The following NEB variants were observed in gnomAD, a reference collection of about 807,000 sequenced individuals.
NEB encodes nemaline myopathy type 2.
Under a neutral mutation model 952.2 loss-of-function variants are expected in NEB, and 512 were observed. That is an observed-to-expected ratio of 0.54 (90% CI 0.50 to 0.58). NEB has a LOEUF of 0.58. NEB is among the 20% of genes least tolerant of loss of function. The pLI is 0.00. For synonymous variants in NEB, 2,900 were observed against 3,149.8 expected (o/e 0.92, Z 2.66); for missense variants, 8,428 against 9,231.1 (o/e 0.91, Z 3.56).
chr2:151,486,635 C>G (rs2050646951), intron 181 of NEB: 1 of 152,238 alleles, frequency 6.6e-6, no homozygotes, highest in African/African-American at 2.4e-5. Flanking sequence ...TAAGCAAGAT[C>G]TGGTATATCC....
chr2:151,718,442 T>C (rs192355519), intron 9 of NEB, among the ~76,000 whole-genome samples: 4 of 152,312 alleles, frequency 2.6e-5, no homozygotes, highest in Admixed American at 2.6e-4. Flanking sequence ...ATTATGAGTC[T>C]CTGGTTAGTC....
At chr2:151,502,734 G>A in intron 167 of NEB, 59 bp downstream of exon 167, 3 of 888,316 alleles carry the variant, frequency 3.4e-6, no homozygotes, top group African/African-American at 1.7e-5. Flanking sequence ...CATTTGTAAG[G>A]TGTTATTATT....
chr2:151,660,732 G>A (rs1297084511), intron 46 of NEB, among the ~76,000 whole-genome samples: 4 of 152,082 alleles, frequency 2.6e-5, no homozygotes, highest in East Asian at 1.9e-4. Context: ...GAGACCACAC[G>A]CCAACAAACA....
At chr2:151,657,881 C>T (rs535682829) in intron 48 of NEB, 102 bp downstream of exon 48, 3 of 804,950 alleles carry the variant, frequency 3.7e-6, no homozygotes, top group South Asian at 3.2e-5. Flanking sequence ...GTGAGACCCA[C>T]TGTTTTTCAT....
intron 105 of NEB, among the ~76,000 whole-genome samples, chr2:151,579,061 A>T (rs2097022238): frequency 7.2e-6 from 1 of 138,540 alleles, no homozygotes; most frequent in Non-Finnish European, 1.5e-5. Context: ...AGCCTGGGTG[A>T]CAGAGCAAGA....
Position 151,494,159 on chromosome 2 carries a change from A to C in NEB, c.24579+2T>G, listed in dbSNP as rs1039759571. 1 of 1,601,598 alleles carries C rather than the reference A, an allele frequency of 6.2e-7. No homozygotes were observed. Among genetic ancestry groups the C allele is most frequent in the Admixed American group, 1.7e-5 (1 of 58,732 alleles). On this transcript the variant is annotated splice_donor_variant, in intron 174 of 181. Coordinates refer to ENST00000397345, the MANE Select transcript of NEB (RefSeq NM_001164508.2). LOFTEE classifies it high-confidence loss of function. ...AAGCACTTTTGTTTCTCAAGACAAT[A>C]CCGAGCTAATGTTTTCTTGATTGCG...
In NEB at chr2:151,625,427, C is replaced by T. The variant is rs112740534; in HGVS notation, c.10452+107G>A. On this transcript the variant is annotated intron_variant, in intron 71 of 181. Coordinates refer to ENST00000397345, the MANE Select transcript of NEB (RefSeq NM_001164508.2). ...AGGTAGGGTAAATGGCATAAAAAGC[C>T]AACTAAGCTAACTGGCTTACATGAG... 3.7e-5 allele frequency: 29 copies of T among 773,448 alleles called. No individual in the cohort carries two copies. The African/African-American group carries it at 3.8e-4, about 10-fold the overall frequency. 47.9% of individuals were successfully genotyped at this position (773,448 alleles called of 1,614,324 possible). A position where few individuals can be genotyped will look rare whatever the true frequency, so the allele number is the denominator to read the frequency against.
At chr2:151,662,370 G>A (rs2099158404) in intron 45 of NEB, 29 bp from the exon 46 acceptor site, 1 of 1,505,264 alleles carries the variant, frequency 6.6e-7, no homozygotes, top group Non-Finnish European at 9.0e-7. Context: ...TAAATTATGA[G>A]AAGAAACTGG....
intron 124 of NEB, among the ~76,000 whole-genome samples, chr2:151,557,036 T>C (rs1351808136): frequency 4.0e-5 from 6 of 151,684 alleles, no homozygotes; most frequent in Non-Finnish European, 7.4e-5. Flanking sequence ...CTGAAGGAGA[T>C]TGAGACACAA....
chr2:151,705,512 A>G (rs2099701969), intron 13 of NEB, among the ~76,000 whole-genome samples: 1 of 152,230 alleles, frequency 6.6e-6, no homozygotes, highest in Admixed American at 6.5e-5. Context: ...GGAAAACAGT[A>G]TGGAGATTCC....
chr2:151,674,604 G>T lies in NEB; in HGVS notation c.3880-20C>A. The T allele has an allele frequency of 6.5e-7, 1 of 1,539,378 alleles. No individual in the cohort carries two copies. The highest frequency in any genetic ancestry group is 1.1e-5 in the South Asian group (1 of 88,610). ...ACAGACCTGGACAGAAAAGCAAACA[G>T]AATGTCAGCATCTGTAAGTGATTCC... On this transcript the variant is annotated intron_variant, in intron 35 of 181. Coordinates refer to ENST00000397345, the MANE Select transcript of NEB (RefSeq NM_001164508.2).
At chr2:151,634,005 CCT>C in intron 64 of NEB, 40 bp from the exon 65 acceptor site, 1 of 1,582,312 alleles carries the variant, frequency 6.3e-7, no homozygotes, top group East Asian at 2.2e-5. Flanking sequence ...TATTGTAACC[CCT>C]TAGAGGCCAC....
At chr2:151,499,221 T>G in intron 169 of NEB, 77 bp downstream of exon 169, 1 of 769,448 alleles carries the variant, frequency 1.3e-6, no homozygotes, top group Admixed American at 2.8e-5. Flanking sequence ...ATGAGTTGAT[T>G]AGATTTTTAA....
chr2:151,559,296 T>A (rs1385257877), intron 124 of NEB, among the ~76,000 whole-genome samples: 2 of 152,226 alleles, frequency 1.3e-5, no homozygotes, highest in African/African-American at 2.4e-5. Context: ...AAACAACAGA[T>A]GCTGGAGAGG....
In NEB at chr2:151,695,629, A is replaced by C; in HGVS notation, c.1623T>G (p.Pro541=). The change falls in exon 18 of 182, where the codon CCT becomes CCG. Residue 541 remains proline (P), a synonymous_variant. Coordinates refer to ENST00000397345, the MANE Select transcript of NEB (RefSeq NM_001164508.2). ...TGTGCTGGATAAAAGCAGGAGTATC[A>C]GGGGGGATATGGCACTTGAACTTTT... The part of the protein sequence containing the change: ...ESEKFKCHIP[P]DTPAFIQHKV... 1.2e-6 allele frequency: 2 copies of C among 1,613,922 alleles called. No homozygotes were observed. Among genetic ancestry groups the C allele is most frequent in the African/African-American group, 2.7e-5 (2 of 75,074 alleles).
intron 65 of NEB, 68 bp from the exon 66 acceptor site, chr2:151,631,414 G>A: frequency 1.3e-6 from 2 of 1,488,416 alleles, no homozygotes; most frequent in Non-Finnish European, 1.8e-6. Flanking sequence ...TATGCAAATA[G>A]AATCAGTAAT....
chr2:151,490,186 C>G lies in NEB; in HGVS notation c.25298-109G>C, dbSNP rs1313933604. The stretch of plus-strand genomic sequence containing the variant: ...TTTTCCCCCAACTTAGAATGATTTC[C>G]AAAAAGAGAAATCAAAGAAAATGAA... On this transcript the variant is annotated intron_variant, in intron 180 of 181. Transcript: ENST00000397345. 16 of 1,191,584 alleles carry G rather than the reference C, an allele frequency of 1.3e-5. No individual in the cohort carries two copies. The East Asian group carries it at 3.8e-4, about 28-fold the overall frequency. 73.8% of individuals were successfully genotyped at this position (1,191,584 alleles called of 1,614,324 possible).
At chr2:151,498,446 G>A in intron 169 of NEB, 94 bp from the exon 170 acceptor site, 1 of 795,670 alleles carries the variant, frequency 1.3e-6, no homozygotes, top group East Asian at 2.7e-5. Flanking sequence ...GGGAGGAAGA[G>A]AGTAAGTTAG....
chr2:151,516,593 C>T (rs779198438), intron 156 of NEB, 30 bp from the exon 157 acceptor site: 10 of 1,399,088 alleles, frequency 7.1e-6, no homozygotes, highest in African/African-American at 5.7e-5. Flanking sequence ...TTAGATATCT[C>T]TCCTCTGGTC....
Sources: gnomAD v4.1 joint callset for allele counts (sites outside exome capture counted in the v4.1 genomes callset) on GRCh38, gnomAD v4.1.1 for gene constraint, MANE v1.5 for transcripts, NCBI Gene and HGNC (gene_info 2026-07-23, HGNC 2026-07-21) for gene names.